FSTL5: variants seen among roughly 807,000 people sequenced by gnomAD.
The protein encoded by FSTL5 is follistatin like 5.
A neutral mutation model predicts 89.1 loss-of-function variants in FSTL5; 62 were observed. That is an observed-to-expected ratio of 0.70 (90% CI 0.57 to 0.86). FSTL5 has a LOEUF of 0.86. Among genes scored for constraint, FSTL5 ranks in the 40% least tolerant of loss-of-function variants. FSTL5 has a pLI of 0.00. For missense variants in FSTL5, 1,057 were observed against 1,001.6 expected, an observed-to-expected ratio of 1.06 and a Z score of -0.75; for synonymous variants, 383 against 346.2, an observed-to-expected ratio of 1.11 and a Z score of -1.18.
chr4:161,788,761 G>A (rs1742008117), intron 4 of FSTL5, among the ~76,000 whole-genome samples: 1 of 152,062 alleles, frequency 6.6e-6, no homozygotes. Context: ...AGCTGAATGT[G>A]GTGATGTGTA....
chr4:161,426,476 T>C (rs1210806516), intron 15 of FSTL5, among the ~76,000 whole-genome samples: 1 of 152,206 alleles, frequency 6.6e-6, no homozygotes, highest in Non-Finnish European at 1.5e-5. Flanking sequence ...AAGACAGAGC[T>C]TGTAAGCAGA....
chr4:161,628,471 C>A lies in FSTL5; in HGVS notation c.894+27857G>T, dbSNP rs529049913. On this transcript the variant is annotated intron_variant, in intron 7 of 15. Transcript: ENST00000306100. The stretch of plus-strand genomic sequence containing the variant: ...TAAAGGAAACACACAAATTGCAGCT[C>A]CATTTTTAAAATTATGTCTAAAAAT... 3.4e-4 allele frequency among the ~76,000 whole-genome samples: 51 copies of A among 152,072 alleles called. 1 individual carries two copies. The South Asian group carries it at 6.9e-3, about 20-fold the overall frequency.
intron 2 of FSTL5, among the ~76,000 whole-genome samples, chr4:162,066,365 C>A (rs1298383077): frequency 7.6e-6 from 1 of 131,510 alleles, no homozygotes; most frequent in South Asian, 2.9e-4. Flanking sequence ...CCTTCTTCTT[C>A]TTCTTCTCCT....
At chr4:161,988,578 T>TA in intron 3 of FSTL5, among the ~76,000 whole-genome samples, 1 of 152,218 alleles carries the variant, frequency 6.6e-6, no homozygotes, top group East Asian at 1.9e-4. Context: ...CCAGGGAAGA[T>TA]AAAATCCTTG....
In FSTL5 at chr4:162,048,598, T is replaced by TAC. The variant is rs34979000; in HGVS notation, c.127-14942_127-14941dup. Among the ~76,000 whole-genome samples the TAC allele has an allele frequency of 3.9e-3, 587 of 149,522 alleles. 3 individuals carry two copies. The highest frequency in any genetic ancestry group is 8.2e-3 in the African/African-American group (335 of 40,718). On this transcript the variant is annotated intron_variant, in intron 2 of 15. Coordinates refer to ENST00000306100, the MANE Select transcript of FSTL5 (RefSeq NM_020116.5). ...TGTACATTTAATACCATTATACACATACACACACACACACACACACACACA... is the reference window on the plus strand; with the variant it reads ...TGTACATTTAATACCATTATACACATACACACACACACACACACACACACACA...
At chr4:161,852,385 C>T (rs1731581054) in intron 4 of FSTL5, among the ~76,000 whole-genome samples, 1 of 152,108 alleles carries the variant, frequency 6.6e-6, no homozygotes. Context: ...TTAAGAATTT[C>T]TTGCCTTAAT....
At chr4:162,150,973 A>T (rs971652969) in intron 1 of FSTL5, among the ~76,000 whole-genome samples, 4 of 152,184 alleles carry the variant, frequency 2.6e-5, no homozygotes, top group African/African-American at 9.6e-5. Context: ...AGTTAAATTT[A>T]AATTTCATAT....
rs533771564 is a variant in FSTL5, at chr4:161,714,162, A to G, written c.727+45249T>C. On this transcript the variant is annotated intron_variant, in intron 6 of 15. Transcript: ENST00000306100. The stretch of plus-strand genomic sequence containing the variant: ...AACACTCTTTGTGAAGAGCTGTTTC[A>G]GGAGCCTTCCATCTGGCTAGATGAC... Among the ~76,000 whole-genome samples, 135 of 152,248 alleles carry G rather than the reference A, an allele frequency of 8.9e-4. 1 individual carries two copies. Among genetic ancestry groups the G allele is most frequent in the African/African-American group, 3.2e-3 (135 of 41,572 alleles).
At chr4:161,898,040 T>C (rs1733224348) in intron 4 of FSTL5, among the ~76,000 whole-genome samples, 2 of 150,184 alleles carry the variant, frequency 1.3e-5, no homozygotes, top group Admixed American at 6.7e-5. Context: ...TCCATTTGTC[T>C]ATTTGTGAAT....
At chr4:161,847,501 T>A (rs916454291) in intron 4 of FSTL5, among the ~76,000 whole-genome samples, 5 of 152,192 alleles carry the variant, frequency 3.3e-5, no homozygotes, top group African/African-American at 1.2e-4. Flanking sequence ...GCTCCAGAGC[T>A]GGCTCTCCAA....
At chr4:162,130,488 A>G (rs192628998) in intron 1 of FSTL5, among the ~76,000 whole-genome samples, 9 of 152,314 alleles carry the variant, frequency 5.9e-5, no homozygotes, top group Non-Finnish European at 1.0e-4. Context: ...TCAAATGACT[A>G]TTAGTCTATA....
chr4:162,088,160 G>A (rs1163648609), intron 2 of FSTL5, among the ~76,000 whole-genome samples: 1 of 151,792 alleles, frequency 6.6e-6, no homozygotes, highest in East Asian at 1.9e-4. Context: ...GCAAGTTAAA[G>A]TTTAGCAATA....
chr4:161,700,930 T>C (rs889360734), intron 6 of FSTL5, among the ~76,000 whole-genome samples: 2 of 152,216 alleles, frequency 1.3e-5, no homozygotes, highest in Non-Finnish European at 2.9e-5. Flanking sequence ...TTGGAGCTTC[T>C]CATTTTTCTT....
chr4:161,925,487 A>G (rs1734096434), intron 3 of FSTL5, among the ~76,000 whole-genome samples: 1 of 151,882 alleles, frequency 6.6e-6, no homozygotes, highest in Non-Finnish European at 1.5e-5. Context: ...ATTTTTAGGC[A>G]AGTTACTTAA....
chr4:161,877,860 T>TA (rs1732498687), intron 4 of FSTL5, among the ~76,000 whole-genome samples: 2 of 151,134 alleles, frequency 1.3e-5, no homozygotes, highest in African/African-American at 4.9e-5. Context: ...TTCACCGTGT[T>TA]AGCCAGGATG....
intron 9 of FSTL5, among the ~76,000 whole-genome samples, chr4:161,540,530 G>C (rs1731783396): frequency 6.6e-6 from 1 of 151,900 alleles, no homozygotes. Flanking sequence ...GAAATTTTCT[G>C]TTTCTTTCCA....
chr4:161,903,498 T>G (rs1733430335), intron 4 of FSTL5, among the ~76,000 whole-genome samples: 1 of 151,968 alleles, frequency 6.6e-6, no homozygotes, highest in Non-Finnish European at 1.5e-5. Flanking sequence ...TAATAAAATA[T>G]CATTATTATA....
intron 4 of FSTL5, among the ~76,000 whole-genome samples, chr4:161,782,535 C>T (rs924399782): frequency 4.6e-5 from 7 of 152,112 alleles, no homozygotes; most frequent in Non-Finnish European, 8.8e-5. Context: ...ATCCTACCCT[C>T]GCTTTCTACA....
intron 4 of FSTL5, among the ~76,000 whole-genome samples, chr4:161,872,325 G>A (rs1385647079): frequency 3.3e-5 from 5 of 151,844 alleles, no homozygotes; most frequent in East Asian, 3.9e-4. Flanking sequence ...TCACAACTAC[G>A]TATTTTGTTT....
Sources: allele counts gnomAD v4.1 joint callset (sites outside exome capture counted in the v4.1 genomes callset), GRCh38; gene constraint gnomAD v4.1.1; transcripts MANE v1.5; gene names NCBI Gene and HGNC (gene_info 2026-07-23, HGNC 2026-07-21).